The following PDE6G variants were observed in gnomAD, a reference collection of about 807,000 sequenced individuals.
PDE6G encodes phosphodiesterase 6G, also known as rod cGMP 3',5'-cyclic phosphodiesterase subunit gamma.
Under a neutral mutation model 10.9 loss-of-function variants are expected in PDE6G, and 10 were observed. That is an observed-to-expected ratio of 0.91 (90% CI 0.56 to 1.55). PDE6G has a LOEUF of 1.55. PDE6G is among the 40% of genes most tolerant of loss of function. The probability of loss-of-function intolerance (pLI) is 0.00; values close to 1 mark genes in which losing one functional copy is unlikely to be tolerated. For synonymous variants in PDE6G, 41 were observed against 42.8 expected (o/e 0.96, Z 0.16); for missense variants, 102 against 110.1 (o/e 0.93, Z 0.33).
chr17:81,655,048 C>T (rs971477722), intron 1 of PDE6G, among the ~76,000 whole-genome samples: 7 of 152,316 alleles, frequency 4.6e-5, no homozygotes, highest in African/African-American at 1.7e-4. Flanking sequence ...TGAGCCACTG[C>T]GCCCGGCCAA....
At chr17:81,654,379 C>A (rs200093440) in intron 1 of PDE6G, among the ~76,000 whole-genome samples, 4 of 128,446 alleles carry the variant, frequency 3.1e-5, no homozygotes, top group African/African-American at 1.2e-4. Context: ...CCCTCTGATT[C>A]TTTTTTTTTT....
In PDE6G at chr17:81,653,368, G is replaced by C. The variant is rs761152984; in HGVS notation, c.-59-4C>G. 2.5e-6 allele frequency: 4 copies of C among 1,586,038 alleles called. No individual in the cohort carries two copies. Among genetic ancestry groups the C allele is most frequent in the African/African-American group, 1.3e-5 (1 of 74,532 alleles). On this transcript the variant is annotated splice_region_variant and splice_polypyrimidine_tract_variant and intron_variant, in intron 1 of 3. Transcript: ENST00000331056. The surrounding 1 kb of genome is among the most constrained non-coding windows in gnomAD (Gnocchi z 5.2). ...CTGGACTCCCTCCTGCTGCGGTCTGGGGGCAGACCAGGCCCGGGTCCCAGT... is the reference window on the plus strand; with the variant it reads ...CTGGACTCCCTCCTGCTGCGGTCTGCGGGCAGACCAGGCCCGGGTCCCAGT...
chr17:81,656,836 T>C (rs906640048), upstream of PDE6G: 15 of 563,822 alleles, frequency 2.7e-5, no homozygotes, highest in East Asian at 4.5e-4. Flanking sequence ...CTGCCTTTCC[T>C]GACCCTGCCT....
intron 1 of PDE6G, among the ~76,000 whole-genome samples, chr17:81,662,124 T>C (rs1438476754): frequency 6.6e-6 from 1 of 152,044 alleles, no homozygotes; most frequent in Non-Finnish European, 1.5e-5. Flanking sequence ...GTACATATGA[T>C]AGGTATTGAT....
chr17:81,651,123 G>T lies in PDE6G; in HGVS notation c.215C>A (p.Ala72Asp), dbSNP rs1405808153. 1 of 1,613,824 alleles carries T rather than the reference G, an allele frequency of 6.2e-7. No homozygotes were observed. Among genetic ancestry groups the T allele is most frequent in the East Asian group, 2.2e-5 (1 of 44,886 alleles). Residue 72 changes from alanine to aspartate, a missense_variant, in exon 4 of 4, where the codon GCC becomes GAC. Coordinates refer to ENST00000331056, the MANE Select transcript of PDE6G (RefSeq NM_002602.4). The surrounding 1 kb of genome is among the most constrained non-coding windows in gnomAD (Gnocchi z 4.8). ...TDITVICPWE[A>D]FNHLELHELA... Reference sequence around the variant, plus strand: ...CTCGTGCAGCTCCAGGTGGTTGAAGGCCTCCCAAGGGCAGATGACTGTGAT... The same window carrying T: ...CTCGTGCAGCTCCAGGTGGTTGAAGTCCTCCCAAGGGCAGATGACTGTGAT...
upstream of PDE6G, among the ~76,000 whole-genome samples, chr17:81,657,837 C>T (rs531359658): frequency 3.3e-5 from 5 of 151,694 alleles, no homozygotes; most frequent in East Asian, 2.0e-4. Context: ...GCCGAGATCG[C>T]GCCACCGCAC....
chr17:81,656,617 A>T (rs761368578), upstream of PDE6G: 45 of 725,308 alleles, frequency 6.2e-5, no homozygotes, highest in Non-Finnish European at 1.0e-4. Context: ...CACCCTAATG[A>T]GATTGTTGGG....
upstream of PDE6G, among the ~76,000 whole-genome samples, chr17:81,660,646 C>A (rs1012021767): frequency 6.6e-6 from 1 of 152,154 alleles, no homozygotes; most frequent in African/African-American, 2.4e-5. Context: ...TGCTCACCAC[C>A]ACACCCGGCT....
chr17:81,656,972 A>C, upstream of PDE6G: 2 of 282,386 alleles, frequency 7.1e-6, no homozygotes, highest in Non-Finnish European at 1.4e-5. Context: ...CCTGAAACCA[A>C]ACAAGGACCC....
rs1219152442 is a variant in PDE6G at position 81,651,151 on chromosome 17, C to T, written c.188-1G>A. 6.2e-7 allele frequency: 1 copy of T among 1,612,556 alleles called. No homozygotes were observed. Among genetic ancestry groups the T allele is most frequent in the South Asian group, 1.1e-5 (1 of 91,048 alleles). On this transcript the variant is annotated splice_acceptor_variant, in intron 3 of 3. Coordinates refer to ENST00000331056, the MANE Select transcript of PDE6G (RefSeq NM_002602.4). LOFTEE classifies it high-confidence loss of function. The surrounding 1 kb of genome is among the most constrained non-coding windows in gnomAD (Gnocchi z 4.8). ...TCCCAAGGGCAGATGACTGTGATGT[C>T]TGTGGGAGAAACGGGCCACGGATCA...
chr17:81,653,419 G>A lies in PDE6G; in HGVS notation c.-59-55C>T. 2 of 1,299,644 alleles carry A rather than the reference G, an allele frequency of 1.5e-6. No homozygotes were observed. Among genetic ancestry groups the A allele is most frequent in the Non-Finnish European group, 2.1e-6 (2 of 932,908 alleles). The allele number at this position is 1,299,644 out of a possible 1,614,324, so 80.5% of individuals were successfully genotyped here. ...CAGCCCTCCTGCTTCCAACCCTTGT[G>A]GGGGTCTCAACCCACCGGTGGAGGG... On this transcript the variant is annotated intron_variant, in intron 1 of 3. Coordinates refer to ENST00000331056, the MANE Select transcript of PDE6G (RefSeq NM_002602.4). This position sits in a 1 kb window ranked among gnomAD's most constrained non-coding sequence, Gnocchi z 5.2.
In PDE6G at chr17:81,653,629, C is replaced by G; in HGVS notation, c.-59-265G>C. 2 of 401,790 alleles carry G rather than the reference C, an allele frequency of 5.0e-6. No homozygotes were observed. Among genetic ancestry groups the G allele is most frequent in the Non-Finnish European group, 9.4e-6 (2 of 212,346 alleles). The allele number at this position is 401,790 out of a possible 1,614,324, so 24.9% of individuals were successfully genotyped here. A position where few individuals can be genotyped will look rare whatever the true frequency, so the allele number is the denominator to read the frequency against. Reference sequence around the variant, plus strand: ...CGGACTCCCCCCTGTCCTGGCCTCCCTCGCCCCGGCCCACAATCCACAGCA... The same window carrying G: ...CGGACTCCCCCCTGTCCTGGCCTCCGTCGCCCCGGCCCACAATCCACAGCA... On this transcript the variant is annotated intron_variant, in intron 1 of 3. Transcript: ENST00000331056. This position sits in a 1 kb window ranked among gnomAD's most constrained non-coding sequence, Gnocchi z 5.2.
upstream of PDE6G, among the ~76,000 whole-genome samples, chr17:81,659,758 C>A (rs1392651264): frequency 6.6e-6 from 1 of 152,144 alleles, no homozygotes. Flanking sequence ...TAGCCCTCTA[C>A]GTAATTGCTT....
At chr17:81,655,279 G>A (rs1419166771) in intron 1 of PDE6G, among the ~76,000 whole-genome samples, 1 of 152,204 alleles carries the variant, frequency 6.6e-6, no homozygotes, top group Admixed American at 6.5e-5. Context: ...CAGAGACTTG[G>A]TGCTGAGCTG....
intron 1 of PDE6G, among the ~76,000 whole-genome samples, chr17:81,661,715 C>A (rs1469862244): frequency 2.0e-5 from 3 of 152,044 alleles, no homozygotes; most frequent in East Asian, 1.9e-4. Flanking sequence ...CAAAAATTAG[C>A]CATGCGTGGT....
At chr17:81,661,175 C>T (rs2036507022), upstream of PDE6G, among the ~76,000 whole-genome samples, 2 of 152,164 alleles carry the variant, frequency 1.3e-5, no homozygotes, top group African/African-American at 2.4e-5. Context: ...CAGGAGTTTA[C>T]GACCAACTTG....
Position 81,653,446 on chromosome 17 carries a change from C to T in PDE6G, c.-59-82G>A, listed in dbSNP as rs1195184390. Reference sequence around the variant, plus strand: ...GGGTCTCAACCCACCGGTGGAGGGGCTGAGACCCAGCCCCGCCAGCTCCAG... The same window carrying T: ...GGGTCTCAACCCACCGGTGGAGGGGTTGAGACCCAGCCCCGCCAGCTCCAG... On this transcript the variant is annotated intron_variant, in intron 1 of 3. Coordinates refer to ENST00000331056, the MANE Select transcript of PDE6G (RefSeq NM_002602.4). The surrounding 1 kb of genome is among the most constrained non-coding windows in gnomAD (Gnocchi z 5.2). 1 of 936,328 alleles carries T rather than the reference C, an allele frequency of 1.1e-6. No individual in the cohort carries two copies. Among genetic ancestry groups the T allele is most frequent in the African/African-American group, 1.6e-5 (1 of 61,082 alleles). 58.0% of individuals were successfully genotyped at this position (936,328 alleles called of 1,614,324 possible).
chr17:81,655,295 C>T (rs1385254091), intron 1 of PDE6G, among the ~76,000 whole-genome samples: 1 of 152,230 alleles, frequency 6.6e-6, no homozygotes, highest in African/African-American at 2.4e-5. Flanking sequence ...AGCTGTGAAG[C>T]CCTGCGTTCC....
Position 81,651,057 on chromosome 17 carries a change from T to C in PDE6G, c.*17A>G, listed in dbSNP as rs780932832. ...TGGGCAGGAGGGGGAGGGTCTGGAC[T>C]TCAGCAGGGCCTCGTGCTAGATGAT... On this transcript the variant is annotated 3_prime_UTR_variant, in exon 4 of 4. Coordinates refer to ENST00000331056, the MANE Select transcript of PDE6G (RefSeq NM_002602.4). This position sits in a 1 kb window ranked among gnomAD's most constrained non-coding sequence, Gnocchi z 4.8. The C allele has an allele frequency of 6.9e-6, 11 of 1,598,806 alleles. No individual in the cohort carries two copies. The highest frequency in any genetic ancestry group is 9.4e-6 in the Non-Finnish European group (11 of 1,166,266).
Sources: gnomAD v4.1 joint callset for allele counts (sites outside exome capture counted in the v4.1 genomes callset) on GRCh38, gnomAD v4.1.1 for gene constraint, Gnocchi (gnomAD v3.1) non-coding constraint, MANE v1.5 for transcripts, NCBI Gene and HGNC (gene_info 2026-07-23, HGNC 2026-07-21) for gene names.